Variants in ACTR3C observed in about 807,000 individuals in gnomAD.
ACTR3C encodes actin related protein 3C.
Under a neutral mutation model 26.3 loss-of-function variants are expected in ACTR3C, and 18 were observed. That is an observed-to-expected ratio of 0.68 (90% CI 0.47 to 1.01). The LOEUF (loss-of-function observed/expected upper bound fraction) is 1.01. Ranked by LOEUF, ACTR3C falls within the 50% of genes least tolerant of loss-of-function variation. The pLI is 0.00. For synonymous variants in ACTR3C, 55 were observed against 94.5 expected (o/e 0.58, Z 2.42); for missense variants, 184 against 250.7 (o/e 0.73, Z 1.80).
chr7:150,079,316 C>T, the ACTR3C span, among the ~76,000 whole-genome samples: 1 of 152,162 alleles, frequency 6.6e-6, no homozygotes, highest in African/African-American at 2.4e-5. Context: ...TTGGCAAACT[C>T]TAAGATCTTA....
chr7:150,239,946 G>T (rs1213702619), downstream of ACTR3C, among the ~76,000 whole-genome samples: 4 of 152,028 alleles, frequency 2.6e-5, no homozygotes, highest in Non-Finnish European at 5.9e-5. Context: ...TTAGAGATGG[G>T]TTTTTGCCAT....
the ACTR3C span, among the ~76,000 whole-genome samples, chr7:149,962,114 A>G: frequency 6.6e-6 from 1 of 152,190 alleles, no homozygotes; most frequent in East Asian, 1.9e-4. Context: ...GCTCACAGGA[A>G]GTGTATGCTC....
chr7:150,299,687 G>A (rs984359113), intron 1 of ACTR3C, among the ~76,000 whole-genome samples: 13 of 152,188 alleles, frequency 8.5e-5, no homozygotes, highest in African/African-American at 3.1e-4. Context: ...TCGGGTGGCT[G>A]AGGCAGCAGA....
chr7:150,171,961 G>T, the ACTR3C span, among the ~76,000 whole-genome samples: 21,514 of 150,236 alleles, frequency 0.14, 3,266 homozygotes, highest in African/African-American at 0.32. Flanking sequence ...AAAGTCATGC[G>T]CCACCACACC....
At chr7:150,077,917 T>C in the ACTR3C span, among the ~76,000 whole-genome samples, 4 of 152,202 alleles carry the variant, frequency 2.6e-5, no homozygotes, top group Non-Finnish European at 4.4e-5. Flanking sequence ...TTTTCCAGAC[T>C]ATGCAATGAG....
At chr7:150,038,012 C>T in the ACTR3C span, among the ~76,000 whole-genome samples, 7 of 138,050 alleles carry the variant, frequency 5.1e-5, 2 homozygotes, top group African/African-American at 8.4e-5. Flanking sequence ...ATTGCCTCCC[C>T]CCCTGCTATG....
chr7:149,898,553 A>T, the ACTR3C span, among the ~76,000 whole-genome samples: 2 of 151,934 alleles, frequency 1.3e-5, no homozygotes, highest in East Asian at 3.9e-4. Context: ...AAAATACAAA[A>T]ATTAGCTGGG....
intron 3 of ACTR3C, among the ~76,000 whole-genome samples, chr7:150,292,575 A>C (rs1399758321): frequency 1.4e-5 from 2 of 146,254 alleles, no homozygotes; most frequent in Admixed American, 7.0e-5. Flanking sequence ...ATCTCGGCTC[A>C]CTGCAACCTC....
At chr7:150,319,252 G>GGAT (rs1459554676) in intron 1 of ACTR3C, among the ~76,000 whole-genome samples, 1 of 151,346 alleles carries the variant, frequency 6.6e-6, no homozygotes, top group Admixed American at 6.6e-5. Context: ...TACCTAGGCA[G>GGAT]GATGGAGTCC....
the ACTR3C span, among the ~76,000 whole-genome samples, chr7:150,025,184 A>G: frequency 6.7e-6 from 1 of 149,444 alleles, no homozygotes; most frequent in African/African-American, 2.5e-5. Flanking sequence ...ATTTCCTTCT[A>G]TTGACATAAG....
the ACTR3C span, among the ~76,000 whole-genome samples, chr7:150,232,569 A>T: frequency 6.8e-6 from 1 of 146,218 alleles, no homozygotes; most frequent in African/African-American, 2.7e-5. Context: ...CATGCCTATA[A>T]TCCCAGCACT....
chr7:150,254,709 G>A (rs1833088427), intron 6 of ACTR3C, among the ~76,000 whole-genome samples: 3 of 152,032 alleles, frequency 2.0e-5, no homozygotes, highest in Admixed American at 1.3e-4. Context: ...CATTTCAGTT[G>A]CTCAGGCAGG....
At chr7:149,959,232 C>A in the ACTR3C span, among the ~76,000 whole-genome samples, 7 of 150,340 alleles carry the variant, frequency 4.7e-5, no homozygotes, top group South Asian at 2.2e-4. Context: ...GCCCCCCACC[C>A]CCACAATCTC....
At chr7:150,177,286 C>T in the ACTR3C span, among the ~76,000 whole-genome samples, 4 of 150,086 alleles carry the variant, frequency 2.7e-5, no homozygotes, top group South Asian at 2.1e-4. Flanking sequence ...CCATCCGACT[C>T]GGATAATATC....
At chr7:150,192,092 GT>G in the ACTR3C span, among the ~76,000 whole-genome samples, 1 of 150,796 alleles carries the variant, frequency 6.6e-6, no homozygotes, top group Admixed American at 6.6e-5. Context: ...GTTGTGATGT[GT>G]TACTCTTTTT....
intron 1 of ACTR3C, among the ~76,000 whole-genome samples, chr7:150,300,929 G>A (rs1053402104): frequency 6.6e-6 from 1 of 152,150 alleles, no homozygotes; most frequent in East Asian, 1.9e-4. Flanking sequence ...AAGCACGTGA[G>A]TAAGAGATGC....
intron 6 of ACTR3C, among the ~76,000 whole-genome samples, chr7:150,267,385 C>T (rs1292256003): frequency 2.6e-5 from 4 of 152,212 alleles, no homozygotes; most frequent in African/African-American, 9.7e-5. Flanking sequence ...AAATCTCGAG[C>T]TGTCCCACTC....
chr7:149,894,428 A>G, the ACTR3C span, among the ~76,000 whole-genome samples: 1 of 152,216 alleles, frequency 6.6e-6, no homozygotes, highest in Non-Finnish European at 1.5e-5. Flanking sequence ...CACAGCAAAG[A>G]AAACAATCAA....
intron 1 of ACTR3C, among the ~76,000 whole-genome samples, chr7:150,296,551 A>G (rs1477928140): frequency 1.3e-5 from 2 of 150,594 alleles, no homozygotes; most frequent in East Asian, 1.9e-4. Flanking sequence ...TACTATGAAC[A>G]TTTTTCCTTG....
Sources: allele counts gnomAD v4.1 joint callset (sites outside exome capture counted in the v4.1 genomes callset), GRCh38; gene constraint gnomAD v4.1.1; transcripts MANE v1.5; gene names NCBI Gene and HGNC (gene_info 2026-07-23, HGNC 2026-07-21).